PDGFD: variants seen among roughly 807,000 people sequenced by gnomAD.
PDGFD encodes the protein platelet-derived growth factor D.
In PDGFD, 30 loss-of-function variants were observed where a neutral mutation model predicts 44.7. The observed-to-expected ratio is 0.67, with a 90% CI of 0.50 to 0.91. The LOEUF is 0.91. PDGFD is among the 40% of genes least tolerant of loss of function. The pLI is 0.00. For missense variants in PDGFD, 445 were observed against 457.8 expected, an observed-to-expected ratio of 0.97 and a Z score of 0.25; for synonymous variants, 173 against 168.4, an observed-to-expected ratio of 1.03 and a Z score of -0.21.
chr11:104,056,031 A>G (rs1457849701), intron 1 of PDGFD, among the ~76,000 whole-genome samples: 1 of 152,222 alleles, frequency 6.6e-6, no homozygotes, highest in Non-Finnish European at 1.5e-5. Flanking sequence ...AGTTTCTAAT[A>G]TGATATAAAA....
chr11:104,106,745 C>A (rs1459308573), intron 1 of PDGFD, among the ~76,000 whole-genome samples: 3 of 149,864 alleles, frequency 2.0e-5, no homozygotes, highest in Non-Finnish European at 1.5e-5. Flanking sequence ...TTGTATGATG[C>A]CTTTTTTTTT....
At chr11:104,072,240 TTTTC>T (rs1860889799) in intron 1 of PDGFD, among the ~76,000 whole-genome samples, 1 of 151,872 alleles carries the variant, frequency 6.6e-6, no homozygotes, top group Admixed American at 6.6e-5. Flanking sequence ...AAGGTATGTC[TTTTC>T]ATTTATTTAA....
At chr11:104,037,214 G>A (rs1444656170) in intron 1 of PDGFD, 3 of 1,613,596 alleles carry the variant, frequency 1.9e-6, no homozygotes, top group African/African-American at 2.7e-5. Context: ...TTGGCGTCAG[G>A]AGAGAAGGTG....
At chr11:103,963,979 C>T (rs1429941220) in intron 3 of PDGFD, among the ~76,000 whole-genome samples, 3 of 151,878 alleles carry the variant, frequency 2.0e-5, no homozygotes, top group African/African-American at 7.3e-5. Flanking sequence ...AATCATTTAC[C>T]AATGCTTTCA....
intron 1 of PDGFD, among the ~76,000 whole-genome samples, chr11:104,127,952 T>G (rs1295799367): frequency 6.6e-6 from 1 of 152,160 alleles, no homozygotes; most frequent in Non-Finnish European, 1.5e-5. Flanking sequence ...TCCATTCCTG[T>G]TACAAATACT....
chr11:104,146,283 A>T (rs1862161494), intron 1 of PDGFD, among the ~76,000 whole-genome samples: 1 of 152,142 alleles, frequency 6.6e-6, no homozygotes, highest in Admixed American at 6.6e-5. Flanking sequence ...AATACAACAC[A>T]CCTTTGGAAT....
At chr11:104,067,374 A>G (rs1860804023) in intron 1 of PDGFD, among the ~76,000 whole-genome samples, 1 of 152,190 alleles carries the variant, frequency 6.6e-6, no homozygotes, top group South Asian at 2.1e-4. Flanking sequence ...AAACAGTTAA[A>G]AATATACCGA....
intron 1 of PDGFD, among the ~76,000 whole-genome samples, chr11:104,040,545 T>G (rs1181716874): frequency 6.6e-6 from 1 of 152,068 alleles, no homozygotes; most frequent in African/African-American, 2.4e-5. Flanking sequence ...AGGCTACATC[T>G]TTTGCTTGTC....
intron 1 of PDGFD, among the ~76,000 whole-genome samples, chr11:104,118,486 T>A (rs1293725888): frequency 6.6e-6 from 1 of 151,538 alleles, no homozygotes; most frequent in African/African-American, 2.4e-5. Flanking sequence ...TCTTGTAACC[T>A]AAACTTAGAC....
chr11:104,141,816 C>A (rs1384784), intron 1 of PDGFD, among the ~76,000 whole-genome samples: 32,258 of 152,110 alleles, frequency 0.21, 3,488 homozygotes, highest in Middle Eastern at 0.3. Context: ...GCCTCCCCTA[C>A]GCCCTCCAGA....
intron 1 of PDGFD, among the ~76,000 whole-genome samples, chr11:104,110,734 T>C (rs1861542239): frequency 6.6e-6 from 1 of 152,160 alleles, no homozygotes; most frequent in Non-Finnish European, 1.5e-5. Flanking sequence ...ATGATGTTAC[T>C]GAGCTCTGAC....
chr11:104,034,889 AC>A (rs1860197121), intron 1 of PDGFD, among the ~76,000 whole-genome samples: 1 of 152,000 alleles, frequency 6.6e-6, no homozygotes, highest in Admixed American at 6.6e-5. Flanking sequence ...TGATCCGCCC[AC>A]CCTGGCCTCC....
intron 1 of PDGFD, among the ~76,000 whole-genome samples, chr11:104,022,818 C>T (rs1859983029): frequency 6.6e-6 from 1 of 151,866 alleles, no homozygotes. Context: ...TATGTATATA[C>T]ACACACATAG....
intron 1 of PDGFD, among the ~76,000 whole-genome samples, chr11:104,155,599 T>C (rs950140230): frequency 1.3e-5 from 2 of 152,232 alleles, no homozygotes; most frequent in Non-Finnish European, 2.9e-5. Flanking sequence ...GATGTAATTA[T>C]ATGGAAAGTA....
intron 3 of PDGFD, among the ~76,000 whole-genome samples, chr11:103,976,317 G>T (rs769983261): frequency 2.0e-5 from 3 of 152,126 alleles, no homozygotes; most frequent in Non-Finnish European, 4.4e-5. Context: ...GTTCACTCAT[G>T]ATTTGGCTCT....
At chr11:104,030,856 G>C (rs1267590606) in intron 1 of PDGFD, among the ~76,000 whole-genome samples, 1 of 152,028 alleles carries the variant, frequency 6.6e-6, no homozygotes, top group Admixed American at 6.6e-5. Flanking sequence ...ATTCTGGACA[G>C]TCCCATTCAC....
At chr11:104,115,479 A>G (rs1242419433) in intron 1 of PDGFD, among the ~76,000 whole-genome samples, 1 of 151,872 alleles carries the variant, frequency 6.6e-6, no homozygotes, top group Non-Finnish European at 1.5e-5. Flanking sequence ...GCAATTGCTA[A>G]TTGTGCTGGT....
intron 5 of PDGFD, among the ~76,000 whole-genome samples, 173 bp from the exon 6 acceptor site, chr11:103,927,299 C>T (rs1858334014): frequency 6.6e-6 from 1 of 152,186 alleles, no homozygotes; most frequent in Admixed American, 6.5e-5. Context: ...CCTAATTTCT[C>T]TCTTGATCCC....
At chr11:104,106,256 T>C (rs1025302473) in intron 1 of PDGFD, among the ~76,000 whole-genome samples, 4 of 152,194 alleles carry the variant, frequency 2.6e-5, no homozygotes, top group African/African-American at 9.6e-5. Context: ...AGTATTTGTT[T>C]GCAAAATTCC....
Sources: allele counts gnomAD v4.1 joint callset (sites outside exome capture counted in the v4.1 genomes callset), GRCh38; gene constraint gnomAD v4.1.1; transcripts MANE v1.5; gene names NCBI Gene and HGNC (gene_info 2026-07-23, HGNC 2026-07-21).